LRP1B: variants seen among roughly 807,000 people sequenced by gnomAD.
LRP1B encodes the protein LDL receptor related protein 1B.
LRP1B carries 217 observed loss-of-function variants against 556.6 expected under a neutral mutation model. The observed-to-expected ratio is 0.39, with a 90% CI of 0.35 to 0.44. The LOEUF is 0.44. Among genes scored for constraint, LRP1B ranks in the 20% least tolerant of loss-of-function variants. LRP1B has a pLI of 1.00. For missense variants in LRP1B, 5,053 were observed against 5,620.8 expected (o/e 0.90, Z 3.23); for synonymous variants, 2,047 against 1,865.8 (o/e 1.10, Z -2.50).
intron 68 of LRP1B, among the ~76,000 whole-genome samples, chr2:140,373,786 AC>A (rs1683100690): frequency 1.3e-5 from 2 of 152,142 alleles, no homozygotes; most frequent in African/African-American, 4.8e-5. Context: ...CTGTCTCTAA[AC>A]AATTTTTTTC....
At chr2:141,512,372 A>G (rs1172740083) in intron 2 of LRP1B, among the ~76,000 whole-genome samples, 1 of 152,150 alleles carries the variant, frequency 6.6e-6, no homozygotes, top group African/African-American at 2.4e-5. Context: ...CTATGTGGCC[A>G]TGATGCTAAG....
chr2:141,013,449 C>A lies in LRP1B; in HGVS notation c.2380+107G>T, dbSNP rs1010151237. 5 of 900,680 alleles carry A rather than the reference C, an allele frequency of 5.6e-6. No individual in the cohort carries two copies. The African/African-American group carries it at 7.0e-5, about 13-fold the overall frequency. 55.8% of individuals were successfully genotyped at this position (900,680 alleles called of 1,614,324 possible). On this transcript the variant is annotated intron_variant, in intron 14 of 90. Transcript: ENST00000389484. The stretch of plus-strand genomic sequence containing the variant: ...ATTGACTTTGGAGGGAATTTGACAT[C>A]TTTTATCATAAAACTTTAGCAACAC...
intron 66 of LRP1B, among the ~76,000 whole-genome samples, chr2:140,402,747 T>C (rs72896289): frequency 0.088 from 13,359 of 152,196 alleles, 688 homozygotes; most frequent in Middle Eastern, 0.14. Context: ...TCTGACAACA[T>C]TGGGTATTGC....
At chr2:141,047,663 C>A (rs13422816) in intron 11 of LRP1B, among the ~76,000 whole-genome samples, 68,135 of 151,874 alleles carry the variant, frequency 0.45, 16,304 homozygotes, top group East Asian at 0.58. Flanking sequence ...CTTCACTTAC[C>A]TTCAAGGCCC....
At chr2:140,659,713 G>A (rs1685023870) in intron 41 of LRP1B, among the ~76,000 whole-genome samples, 1 of 151,998 alleles carries the variant, frequency 6.6e-6, no homozygotes, top group African/African-American at 2.4e-5. Flanking sequence ...GAGACAACAT[G>A]AGCAAATATA....
chr2:140,656,833 T>C (rs1684895697), intron 41 of LRP1B, among the ~76,000 whole-genome samples: 2 of 152,112 alleles, frequency 1.3e-5, no homozygotes, highest in South Asian at 4.1e-4. Context: ...CAAATGTTAC[T>C]GACAAAACCA....
At chr2:141,347,837 TA>T (rs1688308097) in intron 3 of LRP1B, among the ~76,000 whole-genome samples, 1 of 152,068 alleles carries the variant, frequency 6.6e-6, no homozygotes, top group Non-Finnish European at 1.5e-5. Flanking sequence ...TATGTATTAT[TA>T]AAAACTAAAG....
intron 6 of LRP1B, among the ~76,000 whole-genome samples, chr2:141,202,058 T>A (rs1682047832): frequency 6.6e-6 from 1 of 152,228 alleles, no homozygotes; most frequent in African/African-American, 2.4e-5. Flanking sequence ...GATCATTCCA[T>A]CACCTAGATA....
rs917559499 is a variant in LRP1B at position 141,129,242 on chromosome 2, G to A, written c.1013+59179C>T. Among the ~76,000 whole-genome samples the A allele has an allele frequency of 5.9e-5, 9 of 152,160 alleles. No individual in the cohort carries two copies. In the South Asian group the frequency reaches 1.7e-3, roughly 28 times the overall value. The stretch of plus-strand genomic sequence containing the variant: ...ATGGAGAAACAATCATGGAAAAGAC[G>A]ACTTAATATCTTAAAATCGTAAGGT... On this transcript the variant is annotated intron_variant, in intron 7 of 90. Transcript: ENST00000389484.
intron 1 of LRP1B, among the ~76,000 whole-genome samples, chr2:141,851,990 C>G (rs1394564705): frequency 6.6e-6 from 1 of 151,644 alleles, no homozygotes; most frequent in African/African-American, 2.4e-5. Context: ...GTTTCCAATC[C>G]TAATACACTT....
chr2:141,305,252 A>G (rs1214814280), intron 3 of LRP1B, among the ~76,000 whole-genome samples: 1 of 152,066 alleles, frequency 6.6e-6, no homozygotes, highest in East Asian at 1.9e-4. Flanking sequence ...ATCCTCCCCA[A>G]TTACTTTCAT....
At chr2:141,909,564 T>C (rs970500030) in intron 1 of LRP1B, among the ~76,000 whole-genome samples, 22 of 132,254 alleles carry the variant, frequency 1.7e-4, no homozygotes, top group South Asian at 1.2e-3. Context: ...TTTTTTTACC[T>C]CTGGAGGAGG....
intron 2 of LRP1B, among the ~76,000 whole-genome samples, chr2:141,683,889 A>G (rs1185597388): frequency 3.3e-5 from 5 of 152,112 alleles, no homozygotes; most frequent in African/African-American, 1.2e-4. Context: ...AGCCACAATG[A>G]CATACCATCT....
chr2:140,557,960 G>A (rs554357896), intron 43 of LRP1B, among the ~76,000 whole-genome samples: 2 of 152,224 alleles, frequency 1.3e-5, no homozygotes, highest in Non-Finnish European at 2.9e-5. Context: ...CGAAGCCTAA[G>A]CTCCAAAGAA....
chr2:142,117,506 G>A (rs1490116044), intron 1 of LRP1B, among the ~76,000 whole-genome samples: 1 of 151,836 alleles, frequency 6.6e-6, no homozygotes, highest in Non-Finnish European at 1.5e-5. Context: ...TACTGATATC[G>A]GCAACTCAGG....
intron 3 of LRP1B, among the ~76,000 whole-genome samples, chr2:141,447,722 G>A (rs985212051): frequency 6.6e-6 from 1 of 152,158 alleles, no homozygotes; most frequent in Non-Finnish European, 1.5e-5. Context: ...GACCCTGTTT[G>A]CCTGGTTATC....
chr2:141,137,994 C>T (rs1701533533), intron 7 of LRP1B, among the ~76,000 whole-genome samples: 1 of 151,674 alleles, frequency 6.6e-6, no homozygotes, highest in African/African-American at 2.4e-5. Context: ...TAAAAATGGA[C>T]AACCACAGAT....
At chr2:140,570,708 A>T (rs766418987) in intron 43 of LRP1B, among the ~76,000 whole-genome samples, 1 of 151,826 alleles carries the variant, frequency 6.6e-6, no homozygotes, top group Non-Finnish European at 1.5e-5. Flanking sequence ...CCAAATAAGG[A>T]CACCACAAAA....
At chr2:142,010,903 T>C (rs1454975658) in intron 1 of LRP1B, among the ~76,000 whole-genome samples, 1 of 152,172 alleles carries the variant, frequency 6.6e-6, no homozygotes, top group Non-Finnish European at 1.5e-5. Context: ...ACCAGGAAGG[T>C]TCAATTATGC....
Sources: allele counts gnomAD v4.1 joint callset (sites outside exome capture counted in the v4.1 genomes callset), GRCh38; gene constraint gnomAD v4.1.1; transcripts MANE v1.5; gene names NCBI Gene and HGNC (gene_info 2026-07-23, HGNC 2026-07-21).